GPC6: variants seen among roughly 807,000 people sequenced by gnomAD.
GPC6 encodes glypican-6.
In GPC6, 14 loss-of-function variants were observed where a neutral mutation model predicts 55.2. The observed-to-expected ratio is 0.25, with a 90% CI of 0.17 to 0.40. The LOEUF is 0.40. GPC6 is among the 10% of genes least tolerant of loss of function. The probability of loss-of-function intolerance (pLI) is 1.00; values close to 1 mark genes in which losing one functional copy is unlikely to be tolerated. For missense variants in GPC6, 641 were observed against 708.5 expected, an observed-to-expected ratio of 0.90 and a Z score of 1.08; for synonymous variants, 278 against 259.6, an observed-to-expected ratio of 1.07 and a Z score of -0.68.
At chr13:94,050,787 C>T (rs985023435) in intron 4 of GPC6, among the ~76,000 whole-genome samples, 9 of 152,292 alleles carry the variant, frequency 5.9e-5, no homozygotes, top group Admixed American at 5.2e-4. Flanking sequence ...TTCCTGACAG[C>T]TCTTATTACG....
chr13:93,322,661 A>ACCTC (rs1471327381), intron 1 of GPC6, among the ~76,000 whole-genome samples: 54 of 151,842 alleles, frequency 3.6e-4, no homozygotes, highest in East Asian at 3.9e-4. Flanking sequence ...GCTGGTGTCG[A>ACCTC]ACTCCTGACC....
chr13:93,868,478 G>A (rs1040317643), intron 3 of GPC6, among the ~76,000 whole-genome samples: 14 of 151,764 alleles, frequency 9.2e-5, no homozygotes, highest in African/African-American at 3.4e-4. Flanking sequence ...CTTAACTTAA[G>A]TGTACAATTT....
intron 4 of GPC6, among the ~76,000 whole-genome samples, chr13:94,145,879 G>A (rs1239528238): frequency 1.3e-5 from 2 of 152,040 alleles, no homozygotes; most frequent in Non-Finnish European, 2.9e-5. Flanking sequence ...TGGAGGTTTG[G>A]GTAGAGAAAA....
At chr13:94,039,074 G>T (rs56206667) in intron 4 of GPC6, among the ~76,000 whole-genome samples, 1,671 of 152,068 alleles carry the variant, frequency 0.011, 28 homozygotes, top group African/African-American at 0.036. Flanking sequence ...GGGAAAAACA[G>T]TGGTAGGAAG....
At chr13:94,200,376 A>G (rs1889713405) in intron 4 of GPC6, among the ~76,000 whole-genome samples, 1 of 152,216 alleles carries the variant, frequency 6.6e-6, no homozygotes, top group Non-Finnish European at 1.5e-5. Context: ...ACATGAGGAT[A>G]TGTAACAAAG....
intron 2 of GPC6, among the ~76,000 whole-genome samples, chr13:93,690,628 A>ATGAGAAC: frequency 6.6e-6 from 1 of 152,098 alleles, no homozygotes; most frequent in South Asian, 2.1e-4. Context: ...CCCGACTCTC[A>ATGAGAAC]ACATGAGAAC....
chr13:93,443,030 A>C (rs991523949), intron 1 of GPC6, among the ~76,000 whole-genome samples: 5 of 152,116 alleles, frequency 3.3e-5, no homozygotes, highest in Admixed American at 6.6e-5. Flanking sequence ...CCTTTATATT[A>C]ATATCTGTAT....
intron 4 of GPC6, among the ~76,000 whole-genome samples, chr13:94,190,957 T>C (rs984321438): frequency 6.6e-6 from 1 of 152,120 alleles, no homozygotes; most frequent in Non-Finnish European, 1.5e-5. Flanking sequence ...CACATATATA[T>C]ATAAGAGAGA....
rs755185604 is a variant in GPC6 at position 93,789,598 on chromosome 13, C to CATAT, written c.320-40512_320-40509dup. 4.2e-3 allele frequency among the ~76,000 whole-genome samples: 285 copies of CATAT among 67,632 alleles called. 10 individuals are homozygous for CATAT. Among genetic ancestry groups the CATAT allele is most frequent in the Non-Finnish European group, 5.8e-3 (202 of 34,942 alleles). The allele number at this position is 67,632 out of a possible 152,430, so 44.4% of individuals were successfully genotyped here. Reference sequence around the variant, plus strand: ...TAAATACTATATATATATAATACTACATATATATATATATATATATATATA... The same window carrying CATAT: ...TAAATACTATATATATATAATACTACATATATATATATATATATATATATATATA... On this transcript the variant is annotated intron_variant, in intron 2 of 8. Transcript: ENST00000377047.
At chr13:93,997,248 C>G (rs1881596757) in intron 3 of GPC6, among the ~76,000 whole-genome samples, 1 of 152,156 alleles carries the variant, frequency 6.6e-6, no homozygotes, top group African/African-American at 2.4e-5. Context: ...TCACTTTGAG[C>G]TACATCTGTG....
intron 3 of GPC6, among the ~76,000 whole-genome samples, chr13:93,836,576 A>C (rs927459285): frequency 6.6e-6 from 1 of 152,208 alleles, no homozygotes; most frequent in East Asian, 1.9e-4. Flanking sequence ...TTACTTCAAT[A>C]ATATACAGTG....
At chr13:93,388,512 C>T (rs1594135877) in intron 1 of GPC6, among the ~76,000 whole-genome samples, 1 of 152,138 alleles carries the variant, frequency 6.6e-6, no homozygotes, top group African/African-American at 2.4e-5. Context: ...AAGATTTCCC[C>T]CTGGATGCTA....
chr13:93,364,951 T>G (rs911085709), intron 1 of GPC6, among the ~76,000 whole-genome samples: 9 of 151,990 alleles, frequency 5.9e-5, no homozygotes, highest in Non-Finnish European at 5.9e-5. Context: ...TTCTTCTTCC[T>G]TGGCATACTC....
intron 6 of GPC6, among the ~76,000 whole-genome samples, chr13:94,376,439 C>T (rs1480633120): frequency 1.3e-5 from 2 of 151,884 alleles, no homozygotes; most frequent in African/African-American, 2.4e-5. Flanking sequence ...TGAGTGAACT[C>T]CCATTCACAA....
intron 2 of GPC6, among the ~76,000 whole-genome samples, chr13:93,572,460 C>T (rs1363501754): frequency 6.6e-6 from 1 of 152,066 alleles, no homozygotes; most frequent in Admixed American, 6.5e-5. Flanking sequence ...TTAGAAGTAC[C>T]TGTTCTTGGG....
intron 2 of GPC6, among the ~76,000 whole-genome samples, chr13:93,799,056 G>A (rs965753328): frequency 6.6e-6 from 1 of 151,974 alleles, no homozygotes; most frequent in Non-Finnish European, 1.5e-5. Context: ...TCATGACCAA[G>A]TGTTGAACAC....
intron 3 of GPC6, among the ~76,000 whole-genome samples, chr13:93,972,931 CTCTCTCTCTCTCTGTCTT>C (rs762975195): frequency 5.3e-5 from 8 of 151,782 alleles, no homozygotes; most frequent in Non-Finnish European, 8.8e-5. Flanking sequence ...CTCTCTGTCT[CTCTCTCTCTCTCTGTCTT>C]TCTCTCTCTC....
At chr13:93,999,898 C>T (rs1022462465) in intron 3 of GPC6, among the ~76,000 whole-genome samples, 9 of 152,266 alleles carry the variant, frequency 5.9e-5, no homozygotes, top group South Asian at 4.2e-4. Context: ...ATATTGAAAG[C>T]GAGGCAATGA....
At chr13:93,387,379 T>C (rs1455161193) in intron 1 of GPC6, among the ~76,000 whole-genome samples, 1 of 152,090 alleles carries the variant, frequency 6.6e-6, no homozygotes, top group African/African-American at 2.4e-5. Flanking sequence ...CTGTGTTCCA[T>C]GTGTTCTCAT....
Sources: gnomAD v4.1 joint callset for allele counts (sites outside exome capture counted in the v4.1 genomes callset) on GRCh38, gnomAD v4.1.1 for gene constraint, MANE v1.5 for transcripts, NCBI Gene and HGNC (gene_info 2026-07-23, HGNC 2026-07-21) for gene names.